Variants in NRG3 observed in about 807,000 individuals in gnomAD.
NRG3 encodes the protein neuregulin 3, also known as pro-neuregulin-3, membrane-bound isoform.
Under a neutral mutation model 66.9 loss-of-function variants are expected in NRG3, and 31 were observed. The observed-to-expected ratio is 0.46, with a 90% CI of 0.35 to 0.63. NRG3 has a LOEUF of 0.63. Ranked by LOEUF, NRG3 falls within the 20% of genes least tolerant of loss-of-function variation. The probability of loss-of-function intolerance (pLI) is 0.00; values close to 1 mark genes in which losing one functional copy is unlikely to be tolerated. For missense variants in NRG3, 910 were observed against 878.9 expected, an observed-to-expected ratio of 1.04 and a Z score of -0.45; for synonymous variants, 393 against 359.4, an observed-to-expected ratio of 1.09 and a Z score of -1.06.
chr10:82,418,440 T>C (rs375944609), intron 2 of NRG3, among the ~76,000 whole-genome samples: 1 of 152,156 alleles, frequency 6.6e-6, no homozygotes, highest in Admixed American at 6.6e-5. Context: ...TTATGCAAAT[T>C]AACCAGTTTA....
At chr10:82,332,313 G>A (rs529620915) in intron 1 of NRG3, among the ~76,000 whole-genome samples, 1 of 152,304 alleles carries the variant, frequency 6.6e-6, no homozygotes, top group African/African-American at 2.4e-5. Flanking sequence ...CCTCACATTT[G>A]TGTAGCATCG....
In NRG3 at chr10:82,026,993, T is replaced by C. The variant is rs915072917; in HGVS notation, c.823+150830T>C. The stretch of plus-strand genomic sequence containing the variant: ...TAATTATCAATCACCTGTTTAATGC[T>C]ATTATTTCTGTTAATTCATGGGGGC... On this transcript the variant is annotated intron_variant, in intron 1 of 8. Transcript: ENST00000372141. Among the ~76,000 whole-genome samples the C allele has an allele frequency of 5.9e-5, 9 of 152,170 alleles. No individual in the cohort carries two copies. In the South Asian group the frequency reaches 1.7e-3, roughly 28 times the overall value.
chr10:82,514,444 ATT>A (rs1443879289), intron 2 of NRG3, among the ~76,000 whole-genome samples: 1 of 152,018 alleles, frequency 6.6e-6, no homozygotes, highest in East Asian at 1.9e-4. Context: ...AATAGGGACT[ATT>A]TTCCCTATTG....
chr10:82,785,349 T>TATA (rs1180567070), intron 3 of NRG3, among the ~76,000 whole-genome samples: 2 of 150,654 alleles, frequency 1.3e-5, no homozygotes, highest in Non-Finnish European at 3.0e-5. Flanking sequence ...AAACTTAAAG[T>TATA]ATAATAATAA....
At chr10:81,886,322 T>C (rs1392173055) in intron 1 of NRG3, among the ~76,000 whole-genome samples, 1 of 152,200 alleles carries the variant, frequency 6.6e-6, no homozygotes, top group Non-Finnish European at 1.5e-5. Context: ...GCTGATTGTT[T>C]TTGTTACTGT....
intron 1 of NRG3, among the ~76,000 whole-genome samples, chr10:82,215,425 C>G (rs1450342965): frequency 6.6e-5 from 10 of 152,182 alleles, no homozygotes; most frequent in Admixed American, 6.5e-4. Flanking sequence ...TCAGCCACTC[C>G]TTGATCATCT....
Position 82,800,643 on chromosome 10 carries a change from G to A in NRG3, c.1027+61993G>A, listed in dbSNP as rs114850736. Reference sequence around the variant, plus strand: ...AAAAATGATGAAAGTGGCATACATAGTATTAATGAAGTCTATTTTCTGTAT... The same window carrying A: ...AAAAATGATGAAAGTGGCATACATAATATTAATGAAGTCTATTTTCTGTAT... On this transcript the variant is annotated intron_variant, in intron 3 of 8. Transcript: ENST00000372141. Among the ~76,000 whole-genome samples the A allele has an allele frequency of 5.8e-3, 889 of 152,282 alleles. 9 individuals carry two copies. The highest frequency in any genetic ancestry group is 0.02 in the African/African-American group (845 of 41,556).
At chr10:82,563,835 A>C (rs2133043666) in intron 2 of NRG3, among the ~76,000 whole-genome samples, 1 of 152,194 alleles carries the variant, frequency 6.6e-6, no homozygotes, top group African/African-American at 2.4e-5. Context: ...TATGAAACTA[A>C]AATTTTCTAT....
At chr10:81,975,984 A>C (rs79291831) in intron 1 of NRG3, among the ~76,000 whole-genome samples, 330 of 152,290 alleles carry the variant, frequency 2.2e-3, no homozygotes, top group Non-Finnish European at 4.1e-3. Context: ...AAGGACAAGG[A>C]AACAGAATCT....
intron 4 of NRG3, among the ~76,000 whole-genome samples, chr10:82,936,504 T>C (rs992401353): frequency 3.3e-5 from 5 of 151,956 alleles, no homozygotes; most frequent in East Asian, 1.9e-4. Flanking sequence ...ATATCTGCAG[T>C]TGGATAGAAG....
At chr10:82,849,256 C>A (rs756964108) in intron 3 of NRG3, among the ~76,000 whole-genome samples, 2 of 152,108 alleles carry the variant, frequency 1.3e-5, no homozygotes, top group Non-Finnish European at 2.9e-5. Flanking sequence ...GCCAGTGAAC[C>A]ATCAGAAGCT....
At chr10:82,533,559 T>G (rs1397686129) in intron 2 of NRG3, among the ~76,000 whole-genome samples, 1 of 152,174 alleles carries the variant, frequency 6.6e-6, no homozygotes, top group Non-Finnish European at 1.5e-5. Flanking sequence ...TATTTCTCTT[T>G]CAACAAAGTA....
intron 4 of NRG3, among the ~76,000 whole-genome samples, chr10:82,927,236 C>T (rs2132122257): frequency 6.6e-6 from 1 of 152,108 alleles, no homozygotes; most frequent in South Asian, 2.1e-4. Flanking sequence ...TTACCCAGCA[C>T]AATAAAGGAA....
Position 82,775,693 on chromosome 10 carries a change from G to A in NRG3, c.1027+37043G>A, listed in dbSNP as rs12412092. Among the ~76,000 whole-genome samples the A allele has an allele frequency of 6.9e-3, 1,048 of 152,178 alleles. 47 individuals are homozygous for A. The highest frequency in any genetic ancestry group is 0.059 in the Admixed American group (898 of 15,280). ...CTAACTGGCTGATCTATTATTAATA[G>A]TGAGGTATTGGCATCCACTAGTATT... On this transcript the variant is annotated intron_variant, in intron 3 of 8. Transcript: ENST00000372141.
rs747033794 is a variant in NRG3 at position 81,875,685 on chromosome 10, C to T, written c.345C>T (p.Leu115=). Residue 115 remains leucine (L), a synonymous_variant, in exon 1 of 9, where the codon CTC becomes CTT. Transcript: ENST00000372141. The surrounding 1 kb of genome is among the most constrained non-coding windows in gnomAD (Gnocchi z 5.3). ...SKGMGQDPFF[L]SKPSSFPKAM... is the part of the protein sequence containing the mutation. ...GGATGGGCCAGGACCCCTTCTTCCT[C>T]TCCAAGCCCAGCTCTTTCCCCAAGG... is the stretch of plus-strand genomic sequence containing the variant. The T allele has an allele frequency of 4.3e-5, 70 of 1,613,818 alleles. No homozygotes were observed. The highest frequency in any genetic ancestry group is 5.5e-5 in the Non-Finnish European group (65 of 1,179,988).
chr10:81,909,494 G>T (rs1032298527), intron 1 of NRG3, among the ~76,000 whole-genome samples: 1 of 152,064 alleles, frequency 6.6e-6, no homozygotes, highest in Admixed American at 6.5e-5. Context: ...TGATGTGGGG[G>T]TATCCAAGGG....
chr10:82,017,776 T>C (rs2061853008), intron 1 of NRG3, among the ~76,000 whole-genome samples: 1 of 152,232 alleles, frequency 6.6e-6, no homozygotes, highest in Admixed American at 6.5e-5. Context: ...GCCCACTTGT[T>C]GATGGGGTTG....
At chr10:82,762,446 G>A (rs1474577729) in intron 3 of NRG3, among the ~76,000 whole-genome samples, 2 of 152,086 alleles carry the variant, frequency 1.3e-5, no homozygotes, top group Non-Finnish European at 2.9e-5. Flanking sequence ...TTAAAGCATA[G>A]GCCATACAAT....
chr10:82,002,275 T>C (rs957255305), intron 1 of NRG3, among the ~76,000 whole-genome samples: 1 of 152,120 alleles, frequency 6.6e-6, no homozygotes, highest in African/African-American at 2.4e-5. Context: ...CTCAAACTTC[T>C]CTGAAAAGCC....
Sources: allele counts gnomAD v4.1 joint callset (sites outside exome capture counted in the v4.1 genomes callset), GRCh38; gene constraint gnomAD v4.1.1; non-coding constraint Gnocchi (gnomAD v3.1); transcripts MANE v1.5; gene names NCBI Gene and HGNC (gene_info 2026-07-23, HGNC 2026-07-21).